The following LPAR3 variants were observed in gnomAD, a reference collection of about 807,000 sequenced individuals.
The protein encoded by LPAR3 is LPA receptor 3.
In LPAR3, 7 loss-of-function variants were observed where a neutral mutation model predicts 17.8. The observed-to-expected ratio is 0.39, with a 90% CI of 0.22 to 0.74. The LOEUF (loss-of-function observed/expected upper bound fraction) is 0.74. LPAR3 is among the 30% of genes least tolerant of loss of function. LPAR3 has a pLI of 0.40. For synonymous variants in LPAR3, 179 were observed against 179.9 expected, an observed-to-expected ratio of 0.99 and a Z score of 0.04; for missense variants, 391 against 453.4, an observed-to-expected ratio of 0.86 and a Z score of 1.25.
intron 2 of LPAR3, among the ~76,000 whole-genome samples, chr1:84,819,223 CTCTT>C (rs1659003464): frequency 6.6e-6 from 1 of 152,190 alleles, no homozygotes; most frequent in East Asian, 1.9e-4. Context: ...TAGTTTTTCT[CTCTT>C]GACAACACAG....
At chr1:84,868,570 T>C (rs994327572) in intron 1 of LPAR3, among the ~76,000 whole-genome samples, 10 of 152,196 alleles carry the variant, frequency 6.6e-5, no homozygotes, top group African/African-American at 1.7e-4. Context: ...TCACTTGCTA[T>C]GGTCTGAATG....
intron 1 of LPAR3, among the ~76,000 whole-genome samples, chr1:84,882,349 A>T (rs763639039): frequency 6.6e-6 from 1 of 152,226 alleles, no homozygotes; most frequent in African/African-American, 2.4e-5. Flanking sequence ...AGACACAAAT[A>T]GAGGTAAATA....
chr1:84,822,682 T>C (rs1659080400), intron 2 of LPAR3, among the ~76,000 whole-genome samples: 2 of 152,222 alleles, frequency 1.3e-5, no homozygotes, highest in African/African-American at 4.8e-5. Flanking sequence ...CACCCTTCAC[T>C]GGAACGTATT....
chr1:84,878,169 C>T (rs1311974553), intron 1 of LPAR3, among the ~76,000 whole-genome samples: 4 of 152,162 alleles, frequency 2.6e-5, no homozygotes, highest in African/African-American at 9.7e-5. Context: ...CAGAATCTGA[C>T]ATAAATTTTT....
chr1:84,885,809 T>C (rs1161953028), intron 1 of LPAR3, among the ~76,000 whole-genome samples: 1 of 152,170 alleles, frequency 6.6e-6, no homozygotes, highest in Admixed American at 6.5e-5. Context: ...GGTTACTGTA[T>C]GCAAATAAGC....
chr1:84,860,541 C>T (rs1659920549), intron 2 of LPAR3, among the ~76,000 whole-genome samples: 1 of 152,078 alleles, frequency 6.6e-6, no homozygotes, highest in African/African-American at 2.4e-5. Context: ...GATTACATCC[C>T]AGCCCATTAA....
intron 2 of LPAR3, among the ~76,000 whole-genome samples, chr1:84,814,703 C>A (rs1658899382): frequency 6.6e-6 from 1 of 152,214 alleles, no homozygotes; most frequent in South Asian, 2.1e-4. Context: ...GTAGTTTAAC[C>A]AAATCACCTG....
At chr1:84,892,258 TAAAA>T (rs72520776) in intron 1 of LPAR3, among the ~76,000 whole-genome samples, 20,531 of 142,524 alleles carry the variant, frequency 0.14, 1,583 homozygotes, top group East Asian at 0.25. Flanking sequence ...AATAAATAAA[TAAAA>T]ACTAACCTAC....
chr1:84,832,058 T>G (rs1020240799), intron 2 of LPAR3, among the ~76,000 whole-genome samples: 5 of 152,076 alleles, frequency 3.3e-5, no homozygotes, highest in African/African-American at 1.2e-4. Flanking sequence ...AAGACATTGC[T>G]CCTACTGAAA....
rs1307854995 is a variant in LPAR3, at chr1:84,865,948, T to G, written c.173A>C (p.Asn58Thr). Residue 58 changes from asparagine to threonine, a missense_variant, in exon 2 of 3, where the codon AAC becomes ACC. Asn to Thr is a moderately conservative substitution (Grantham distance 65, BLOSUM62 0). Coordinates refer to ENST00000370611, the MANE Select transcript of LPAR3 (RefSeq NM_012152.3). ...GTAGAAGGGGAAATGAAATTTTCTG[T>G]TTTTGATCACTGCCGCGATGACCAG... ...NSLVIAAVIK[N>T]RKFHFPFYYL... 1.1e-5 allele frequency: 18 copies of G among 1,613,974 alleles called. No individual in the cohort carries two copies. The highest frequency in any genetic ancestry group is 2.2e-5 in the East Asian group (1 of 44,890).
rs148886828 is a variant in LPAR3, at chr1:84,881,506, T to C, written c.-19+11510A>G. ...AGAAGGTTAGATAACTCAAAATTTC[T>C]AAAAAGTTTGGTGAAACATACAACT... On this transcript the variant is annotated intron_variant, in intron 1 of 2. Transcript: ENST00000370611. 1.1e-3 allele frequency among the ~76,000 whole-genome samples: 171 copies of C among 152,290 alleles called. 1 individual carries two copies. Among genetic ancestry groups the C allele is most frequent in the African/African-American group, 4.0e-3 (166 of 41,576 alleles).
At chr1:84,872,936 T>C (rs1408275531) in intron 1 of LPAR3, among the ~76,000 whole-genome samples, 1 of 152,156 alleles carries the variant, frequency 6.6e-6, no homozygotes, top group Non-Finnish European at 1.5e-5. Flanking sequence ...TAAATCACAG[T>C]TTACTGTGAT....
Position 84,813,146 on chromosome 1 carries a change from T to TAGAGAGAGAGAG in LPAR3, c.*699_*700insCTCTCTCTCTCT, listed in dbSNP as rs376924915. ...ACAGGAATATATATATATATATATA[T>TAGAGAGAGAGAG]ATATATATATATAGACACACACACA... On this transcript the variant is annotated 3_prime_UTR_variant, in exon 3 of 3. Transcript: ENST00000370611. The TAGAGAGAGAGAG allele has an allele frequency of 9.2e-6, 1 of 109,138 alleles. No homozygotes were observed. The highest frequency in any genetic ancestry group is 1.9e-5 in the Non-Finnish European group (1 of 53,330). The allele number at this position is 109,138 out of a possible 1,614,324, so 6.8% of individuals were successfully genotyped here. A position where few individuals can be genotyped will look rare whatever the true frequency, so the allele number is the denominator to read the frequency against.
chr1:84,815,211 C>T (rs116070795), intron 2 of LPAR3, among the ~76,000 whole-genome samples: 2 of 152,174 alleles, frequency 1.3e-5, no homozygotes, highest in Admixed American at 6.5e-5. Context: ...TGAACAGAGG[C>T]CGTCTTTCTC....
intron 2 of LPAR3, among the ~76,000 whole-genome samples, chr1:84,845,490 A>G (rs947063819): frequency 5.3e-5 from 8 of 152,324 alleles, no homozygotes; most frequent in African/African-American, 1.9e-4. Context: ...AAGGCCCTGT[A>G]AACTATAAAT....
rs1658818353 is a variant in LPAR3, at chr1:84,811,815, C to G, written c.*2031G>C. 1 of 152,150 alleles carries G rather than the reference C, an allele frequency of 6.6e-6. No homozygotes were observed. The highest frequency in any genetic ancestry group is 1.5e-5 in the Non-Finnish European group (1 of 68,032). The allele number at this position is 152,150 out of a possible 1,614,324, so 9.4% of individuals were successfully genotyped here. On this transcript the variant is annotated 3_prime_UTR_variant, in exon 3 of 3. Coordinates refer to ENST00000370611, the MANE Select transcript of LPAR3 (RefSeq NM_012152.3). ...CACAATAGCAAAAAAATGTAAACTTCTTTTGCAAACTACATAAATACTATA... is the reference window on the plus strand; with the variant it reads ...CACAATAGCAAAAAAATGTAAACTTGTTTTGCAAACTACATAAATACTATA...
At position 84,872,982 on chromosome 1, in the gene LPAR3, T is replaced by C. The variant is rs920178000; in HGVS notation, c.-18-6844A>G. Among the ~76,000 whole-genome samples the C allele has an allele frequency of 5.3e-5, 8 of 152,132 alleles. 1 individual carries two copies. Among genetic ancestry groups the C allele is most frequent in the Admixed American group, 5.2e-4 (8 of 15,276 alleles). The stretch of plus-strand genomic sequence containing the variant: ...AAAACCCATAACCCCAGGCTAATCA[T>C]GAGAAAAACATCAGCTAAATCGCAG... On this transcript the variant is annotated intron_variant, in intron 1 of 2. Transcript: ENST00000370611.
At chr1:84,848,924 G>C (rs1420072358) in intron 2 of LPAR3, among the ~76,000 whole-genome samples, 1 of 152,172 alleles carries the variant, frequency 6.6e-6, no homozygotes, top group African/African-American at 2.4e-5. Context: ...AGTAAACTCA[G>C]TACGTCTCTG....
chr1:84,828,408 C>T (rs1360694674), intron 2 of LPAR3, among the ~76,000 whole-genome samples: 1 of 152,156 alleles, frequency 6.6e-6, no homozygotes, highest in Admixed American at 6.5e-5. Context: ...TAACTTTTCC[C>T]TAAGCTTGTT....
Sources: allele counts gnomAD v4.1 joint callset (sites outside exome capture counted in the v4.1 genomes callset), GRCh38; gene constraint gnomAD v4.1.1; transcripts MANE v1.5; gene names NCBI Gene and HGNC (gene_info 2026-07-23, HGNC 2026-07-21).